Variants in COL3A1 observed in about 807,000 individuals in gnomAD.
COL3A1 encodes collagen type III alpha 1 chain.
Under a neutral mutation model 200.9 loss-of-function variants are expected in COL3A1, and 46 were observed. The observed-to-expected ratio is 0.23, with a 90% CI of 0.18 to 0.29. The LOEUF is 0.29. COL3A1 is among the 10% of genes least tolerant of loss of function. The pLI, the probability that COL3A1 is intolerant of heterozygous loss-of-function variation, is 1.00. For synonymous variants in COL3A1, 650 were observed against 628.0 expected (o/e 1.03, Z -0.52); for missense variants, 1,367 against 1,917.6 (o/e 0.71, Z 5.36).
chr2:188,993,364 G>A lies in COL3A1; in HGVS notation c.1054G>A (p.Glu352Lys), dbSNP rs1688228629. The A allele has an allele frequency of 1.3e-6, 2 of 1,567,836 alleles. No homozygotes were observed. Among genetic ancestry groups the A allele is most frequent in the Non-Finnish European group, 1.7e-6 (2 of 1,155,092 alleles). ...GFPGSPGAKGEVGPAGSPGSN... is the reference protein window; with the variant it reads ...GFPGSPGAKGKVGPAGSPGSN... Reference sequence around the variant, plus strand: ...CTACACAAGGTTTTACCATTAGGGTGAAGTTGGACCTGCAGGGTCTCCTGG... The same window carrying A: ...CTACACAAGGTTTTACCATTAGGGTAAAGTTGGACCTGCAGGGTCTCCTGG... The change falls in exon 16 of 51, where the codon GAA becomes AAA. Residue 352 changes from glutamate (E) to lysine (K), a missense_variant. Physicochemically the swap from Glu to Lys is moderately conservative, Grantham distance 56. Transcript: ENST00000304636.
chr2:189,008,385 G>T (rs1576473112), intron 47 of COL3A1: 1 of 534,170 alleles, frequency 1.9e-6, no homozygotes. Context: ...AATGACATCT[G>T]CCCAATTAAC....
At chr2:188,988,881 G>C (rs534058765) in intron 7 of COL3A1, among the ~76,000 whole-genome samples, 1 of 151,846 alleles carries the variant, frequency 6.6e-6, no homozygotes, top group Admixed American at 6.6e-5. Flanking sequence ...CCACTTCCCA[G>C]AGCTGATAAA....
At chr2:189,000,187 G>A (rs912424828) in intron 32 of COL3A1, among the ~76,000 whole-genome samples, 12 of 152,118 alleles carry the variant, frequency 7.9e-5, no homozygotes, top group Non-Finnish European at 1.6e-4. Context: ...GATAATCAAT[G>A]CTGCTCATTA....
chr2:189,000,026 G>A, intron 32 of COL3A1, 131 bp downstream of exon 32: 1 of 885,280 alleles, frequency 1.1e-6, no homozygotes, highest in African/African-American at 1.7e-5. Context: ...AGACCCGAAT[G>A]ACTTGATTTA....
Position 188,997,388 on chromosome 2 carries a change from C to T in COL3A1, c.1868C>T (p.Thr623Ile). The change falls in exon 26 of 51, where the codon ACT (threonine) becomes ATT (isoleucine). Residue 623 changes from threonine to isoleucine, a missense_variant and splice_region_variant. Transcript: ENST00000304636. ...ETGPQGPPGP[T>I]GPGGDKGDTG... ...GGACCTCAGGGACCCCCAGGGCCTA[C>T]TGTAAGTTCACTCATATAAAATTGG... 6.2e-7 allele frequency: 1 copy of T among 1,613,644 alleles called. No homozygotes were observed. The highest frequency in any genetic ancestry group is 8.5e-7 in the Non-Finnish European group (1 of 1,179,598).
intron 1 of COL3A1, among the ~76,000 whole-genome samples, chr2:188,979,911 A>G (rs1211588058): frequency 2.0e-5 from 3 of 151,702 alleles, no homozygotes; most frequent in Admixed American, 2.0e-4. Flanking sequence ...TTCTGCAGTT[A>G]AGATTCCTCA....
At chr2:188,993,084 C>A in intron 15 of COL3A1, 144 bp downstream of exon 15, 1 of 789,828 alleles carries the variant, frequency 1.3e-6, no homozygotes, top group Non-Finnish European at 2.1e-6. Context: ...ATTCTTGATT[C>A]TAAAAGAGGT....
intron 45 of COL3A1, 25 bp from the exon 46 acceptor site, chr2:189,007,860 C>G (rs372145849): frequency 6.2e-7 from 1 of 1,613,260 alleles, no homozygotes; most frequent in African/African-American, 1.3e-5. Context: ...GCCTTCACTC[C>G]TATGTACACT....
At position 188,991,690 on chromosome 2, in the gene COL3A1, G is replaced by T; in HGVS notation, c.919G>T (p.Glu307Ter). Residue 307 changes from glutamate to a stop codon, truncating the protein, a stop_gained, in exon 13 of 51, where the codon GAG becomes TAG. Transcript: ENST00000304636. LOFTEE classifies it high-confidence loss of function. ...GTAGGGTCCAAGAGGGGCTCCTGGTGAGCGAGGACGGCCAGGACTTCCTGG... is the reference window on the plus strand; with the variant it reads ...GTAGGGTCCAAGAGGGGCTCCTGGTTAGCGAGGACGGCCAGGACTTCCTGG... ...GPMGPRGAPG[E>*]RGRPGLPGAA... 6.2e-7 allele frequency: 1 copy of T among 1,614,018 alleles called. No homozygotes were observed. Among genetic ancestry groups the T allele is most frequent in the South Asian group, 1.1e-5 (1 of 91,068 alleles).
At chr2:189,003,379 A>G in intron 36 of COL3A1, 32 bp from the exon 37 acceptor site, 9 of 1,604,510 alleles carry the variant, frequency 5.6e-6, no homozygotes, top group Non-Finnish European at 7.7e-6. Flanking sequence ...TTTTGGTGCT[A>G]TTCTTACATA....
chr2:188,978,822 A>G (rs928495007), intron 1 of COL3A1, among the ~76,000 whole-genome samples: 1 of 151,806 alleles, frequency 6.6e-6, no homozygotes, highest in Non-Finnish European at 1.5e-5. Flanking sequence ...TCAAAGGGGA[A>G]ACTTTGCCTG....
intron 41 of COL3A1, 111 bp from the exon 42 acceptor site, chr2:189,006,095 G>T (rs915263882): frequency 7.1e-6 from 8 of 1,125,532 alleles, no homozygotes; most frequent in South Asian, 1.3e-5. Context: ...TTACCCCCAA[G>T]AACCAATTTT....
rs749905088 is a variant in COL3A1, at chr2:189,003,989, C to T, written c.2669C>T (p.Pro890Leu). ...TCAAACAATTATTTGTAGGGTAACC[C>T]AGGACCCCCAGGTCCCAGCGGTTCT... ...LPGPPGSNGNPGPPGPSGSPG... is the reference protein window; with the variant it reads ...LPGPPGSNGNLGPPGPSGSPG... Residue 890 changes from proline to leucine, a missense_variant, in exon 39 of 51, where the codon CCA becomes CTA. By Grantham distance (98) the Pro-to-Leu change is moderately conservative. Around this residue, in one of 5 missense-constraint regions of COL3A1, gnomAD observed 846 missense variants for 1,147.9 expected, o/e 0.74. Transcript: ENST00000304636. 3 of 1,610,714 alleles carry T rather than the reference C, an allele frequency of 1.9e-6. No individual in the cohort carries two copies. The highest frequency in any genetic ancestry group is 2.5e-6 in the Non-Finnish European group (3 of 1,179,000).
In COL3A1 at chr2:188,999,278, G is replaced by T. The variant is rs1254330026; in HGVS notation, c.2023-7G>T. 1 of 1,561,832 alleles carries T rather than the reference G, an allele frequency of 6.4e-7. No homozygotes were observed. The highest frequency in any genetic ancestry group is 8.7e-7 in the Non-Finnish European group (1 of 1,152,356). On this transcript the variant is annotated splice_region_variant and splice_polypyrimidine_tract_variant and intron_variant, in intron 29 of 50. Transcript: ENST00000304636. ...CTAATATGGTTATTTACATATTTTT[G>T]TCACAGGGTGATGCTGGTGCCCCTG...
intron 16 of COL3A1, among the ~76,000 whole-genome samples, 176 bp downstream of exon 16, chr2:188,993,635 A>G (rs1252552223): frequency 2.6e-5 from 4 of 152,188 alleles, no homozygotes; most frequent in Non-Finnish European, 4.4e-5. Context: ...TACTGATTTG[A>G]TTAGTAGTAA....
In COL3A1 at chr2:188,994,449, TCTTATAA is replaced by T; in HGVS notation, c.1294-82_1294-76del. On this transcript the variant is annotated intron_variant, in intron 18 of 50. Coordinates refer to ENST00000304636, the MANE Select transcript of COL3A1 (RefSeq NM_000090.4). This position sits in a 1 kb window ranked among gnomAD's most constrained non-coding sequence, Gnocchi z 4.5. Reference sequence around the variant, plus strand: ...TGAATTTATATTGACTTCACTCTTGTCTTATAACTTATAACTGAATTATGTGTTACTG... The same window carrying T: ...TGAATTTATATTGACTTCACTCTTGTCTTATAACTGAATTATGTGTTACTG... The T allele has an allele frequency of 6.4e-7, 1 of 1,571,460 alleles. No individual in the cohort carries two copies. The highest frequency in any genetic ancestry group is 8.8e-7 in the Non-Finnish European group (1 of 1,142,270).
At chr2:189,007,168 TAGATAGATA>T (rs1206583405) in intron 44 of COL3A1, among the ~76,000 whole-genome samples, 178 bp downstream of exon 44, 3 of 32,360 alleles carry the variant, frequency 9.3e-5, no homozygotes, top group African/African-American at 1.7e-4. Flanking sequence ...AGATGATAGA[TAGATAGATA>T]GATAGATAGA....
chr2:188,990,417 C>T, intron 10 of COL3A1, 57 bp downstream of exon 10: 2 of 1,399,900 alleles, frequency 1.4e-6, no homozygotes, highest in Admixed American at 3.4e-5. Context: ...GTTTACTTGC[C>T]TAACCAATTT....
At chr2:189,005,328 T>G (rs755010409) in intron 40 of COL3A1, 22 bp from the exon 41 acceptor site, 15 of 1,592,728 alleles carry the variant, frequency 9.4e-6, no homozygotes, top group Non-Finnish European at 1.1e-5. Context: ...AAACAAAATG[T>G]TTTTCATTCC....
Sources: allele counts gnomAD v4.1 joint callset (sites outside exome capture counted in the v4.1 genomes callset), GRCh38; gene constraint gnomAD v4.1.1; regional missense constraint gnomAD v4.1.1; non-coding constraint Gnocchi (gnomAD v3.1); transcripts MANE v1.5; gene names NCBI Gene and HGNC (gene_info 2026-07-23, HGNC 2026-07-21).